Variants in DDX10 observed in about 807,000 individuals in gnomAD.
DDX10 encodes the protein DEAD-box helicase 10.
In DDX10, 74 loss-of-function variants were observed where a neutral mutation model predicts 104.3. That is an observed-to-expected ratio of 0.71 (90% confidence interval 0.59 to 0.86). The LOEUF is 0.86. Among genes scored for constraint, DDX10 ranks in the 40% least tolerant of loss-of-function variants. The probability of loss-of-function intolerance (pLI) is 0.00; values close to 1 mark genes in which losing one functional copy is unlikely to be tolerated. For synonymous variants in DDX10, 351 were observed against 353.4 expected (o/e 0.99, Z 0.08); for missense variants, 952 against 1,040.0 (o/e 0.92, Z 1.16).
intron 13 of DDX10, among the ~76,000 whole-genome samples, chr11:108,781,391 T>C (rs1168230232): frequency 6.6e-6 from 1 of 152,180 alleles, no homozygotes; most frequent in Non-Finnish European, 1.5e-5. Flanking sequence ...GTCTTTTTGG[T>C]ATAATGATCT....
At chr11:108,797,012 GT>G (rs1392064362) in intron 13 of DDX10, among the ~76,000 whole-genome samples, 1 of 151,778 alleles carries the variant, frequency 6.6e-6, no homozygotes, top group Non-Finnish European at 1.5e-5. Context: ...TGTTGTTGTT[GT>G]TGTTCTTATT....
chr11:108,690,765 A>G, intron 7 of DDX10: 1 of 242,570 alleles, frequency 4.1e-6, no homozygotes. Flanking sequence ...AGGAGAAGAG[A>G]TAGATCTCCT....
At chr11:108,675,039 T>C (rs1244038530) in intron 2 of DDX10, among the ~76,000 whole-genome samples, 1 of 152,158 alleles carries the variant, frequency 6.6e-6, no homozygotes, top group Non-Finnish European at 1.5e-5. Context: ...TTCATCCATG[T>C]TGTTGTAAAT....
chr11:108,842,565 A>G (rs1279587533), intron 15 of DDX10, among the ~76,000 whole-genome samples: 1 of 152,222 alleles, frequency 6.6e-6, no homozygotes, highest in African/African-American at 2.4e-5. Context: ...GAAAAAGTAG[A>G]TATTGGAGAT....
intron 16 of DDX10, among the ~76,000 whole-genome samples, chr11:108,912,266 C>T (rs1227864788): frequency 6.6e-6 from 1 of 152,082 alleles, no homozygotes; most frequent in African/African-American, 2.4e-5. Flanking sequence ...ATGAGGGCTC[C>T]ACCCTGATGA....
In DDX10 at chr11:108,940,622, G is replaced by A. The variant is rs1756443417; in HGVS notation, c.*199G>A. The A allele has an allele frequency of 2.2e-6, 1 of 452,944 alleles. No individual in the cohort carries two copies. Among genetic ancestry groups the A allele is most frequent in the Non-Finnish European group, 3.8e-6 (1 of 260,270 alleles). 28.1% of individuals were successfully genotyped at this position (452,944 alleles called of 1,614,324 possible). On this transcript the variant is annotated 3_prime_UTR_variant, in exon 18 of 18. Transcript: ENST00000322536. ...CCATCACTGAGCATACTCAGATCGAGGGTGGATGATACCATTTCCTGACCC... is the reference window on the plus strand; with the variant it reads ...CCATCACTGAGCATACTCAGATCGAAGGTGGATGATACCATTTCCTGACCC...
intron 13 of DDX10, among the ~76,000 whole-genome samples, chr11:108,806,812 A>T (rs1862108053): frequency 2.6e-5 from 4 of 152,170 alleles, no homozygotes; most frequent in Admixed American, 2.6e-4. Flanking sequence ...AAGGCCTTAC[A>T]GTGGGAGAGA....
intron 16 of DDX10, among the ~76,000 whole-genome samples, chr11:108,904,881 A>G (rs566048864): frequency 9.8e-5 from 15 of 152,288 alleles, no homozygotes; most frequent in African/African-American, 3.4e-4. Flanking sequence ...TTGTGCTTTT[A>G]TTCTGTTTTT....
intron 16 of DDX10, among the ~76,000 whole-genome samples, chr11:108,867,511 A>T (rs1475945160): frequency 6.6e-6 from 1 of 152,202 alleles, no homozygotes; most frequent in Non-Finnish European, 1.5e-5. Context: ...TAGCTACCAT[A>T]GTCAAGAACC....
At chr11:108,712,412 A>G (rs1025877838) in intron 10 of DDX10, among the ~76,000 whole-genome samples, 1 of 150,074 alleles carries the variant, frequency 6.7e-6, no homozygotes, top group Non-Finnish European at 1.5e-5. Context: ...GATTCTGAGC[A>G]TTTTATGACT....
intron 13 of DDX10, among the ~76,000 whole-genome samples, chr11:108,812,806 A>G (rs565935280): frequency 1.9e-4 from 29 of 151,752 alleles, no homozygotes; most frequent in African/African-American, 6.3e-4. Context: ...ACATGGTGAA[A>G]CCCCGTTTTT....
At chr11:108,903,404 A>G (rs1410152664) in intron 16 of DDX10, among the ~76,000 whole-genome samples, 6 of 152,088 alleles carry the variant, frequency 3.9e-5, no homozygotes, top group African/African-American at 1.4e-4. Flanking sequence ...ATTTCTTTTC[A>G]TTGATGGTAC....
At chr11:108,798,035 CTG>C (rs1861970172) in intron 13 of DDX10, among the ~76,000 whole-genome samples, 2 of 152,212 alleles carry the variant, frequency 1.3e-5, no homozygotes, top group African/African-American at 4.8e-5. Context: ...TTTTCTAAAA[CTG>C]TCACTTGACT....
intron 16 of DDX10, among the ~76,000 whole-genome samples, chr11:108,892,123 C>G (rs184162530): frequency 6.3e-4 from 96 of 152,192 alleles, no homozygotes; most frequent in Non-Finnish European, 1.3e-3. Flanking sequence ...TGATCGCCCC[C>G]GAGTGTTGGA....
chr11:108,701,199 G>A (rs1337986758), intron 9 of DDX10, among the ~76,000 whole-genome samples: 2 of 151,824 alleles, frequency 1.3e-5, no homozygotes, highest in East Asian at 3.9e-4. Flanking sequence ...CTTTTTCTTG[G>A]AATAAGCTCT....
chr11:108,784,476 T>A (rs1032190067), intron 13 of DDX10, among the ~76,000 whole-genome samples: 2 of 152,190 alleles, frequency 1.3e-5, no homozygotes, highest in African/African-American at 4.8e-5. Context: ...CTTGATGTCC[T>A]GGGCTTAAGT....
chr11:108,760,814 T>C (rs1327514720), intron 13 of DDX10, among the ~76,000 whole-genome samples: 1 of 151,960 alleles, frequency 6.6e-6, no homozygotes, highest in Non-Finnish European at 1.5e-5. Context: ...GGGAAAATTG[T>C]TTATGCTGTT....
At position 108,880,246 on chromosome 11, in the gene DDX10, AATG is replaced by A. The variant is rs377086904; in HGVS notation, c.2304+28040_2304+28042del. Among the ~76,000 whole-genome samples, 75 of 152,236 alleles carry A rather than the reference AATG, an allele frequency of 4.9e-4. No individual in the cohort carries two copies. The Middle Eastern group carries it at 0.02, about 41-fold the overall frequency. On this transcript the variant is annotated intron_variant, in intron 16 of 17. Coordinates refer to ENST00000322536, the MANE Select transcript of DDX10 (RefSeq NM_004398.4). ...TGTGCTTGTGCAGTGGGGGGTGTAG[AATG>A]ATACTGATCTGGTGTGTCTTCCTCT... is the stretch of plus-strand genomic sequence containing the variant.
intron 9 of DDX10, 43 bp from the exon 10 acceptor site, chr11:108,706,696 A>G: frequency 7.0e-7 from 1 of 1,431,994 alleles, no homozygotes; most frequent in Non-Finnish European, 9.9e-7. Flanking sequence ...TGTAAAATGC[A>G]GATTGCATTG....
Sources: gnomAD v4.1 joint callset for allele counts (sites outside exome capture counted in the v4.1 genomes callset) on GRCh38, gnomAD v4.1.1 for gene constraint, MANE v1.5 for transcripts, NCBI Gene and HGNC (gene_info 2026-07-23, HGNC 2026-07-21) for gene names.